Variants in ARID1A observed in about 807,000 individuals in gnomAD.
ARID1A encodes AT-rich interaction domain 1A, also known as AT-rich interactive domain-containing protein 1A.
ARID1A carries 20 observed loss-of-function variants against 212.6 expected under a neutral mutation model. The observed-to-expected ratio is 0.09, with a 90% confidence interval of 0.07 to 0.14. The LOEUF (loss-of-function observed/expected upper bound fraction) is 0.14. Ranked by LOEUF, ARID1A falls within the 10% of genes least tolerant of loss-of-function variation. The pLI, the probability that ARID1A is intolerant of heterozygous loss-of-function variation, is 1.00. For missense variants in ARID1A, 2,587 were observed against 3,059.0 expected, an observed-to-expected ratio of 0.85 and a Z score of 3.64; for synonymous variants, 1,376 against 1,222.1, an observed-to-expected ratio of 1.13 and a Z score of -2.63.
At chr1:26,708,647 T>C (rs938094018) in intron 1 of ARID1A, among the ~76,000 whole-genome samples, 34 of 151,728 alleles carry the variant, frequency 2.2e-4, no homozygotes, top group Non-Finnish European at 4.0e-4. Context: ...CAGAGTGATA[T>C]TACTTTTCCA....
rs985193782 is a variant in ARID1A at position 26,779,895 on chromosome 1, T to C, written c.5997T>C (p.Phe1999=). 3 of 1,614,100 alleles carry C rather than the reference T, an allele frequency of 1.9e-6. No individual in the cohort carries two copies. Among genetic ancestry groups the C allele is most frequent in the African/African-American group, 2.7e-5 (2 of 75,018 alleles). ...TGTCATTTGTGCCAGGCAATGACTTTGAGATGTCCAAACACCCAGGGCTGC... is the reference window on the plus strand; with the variant it reads ...TGTCATTTGTGCCAGGCAATGACTTCGAGATGTCCAAACACCCAGGGCTGC... ...RSLSFVPGND[F]EMSKHPGLLL... Residue 1999 remains phenylalanine, a synonymous_variant, in exon 20 of 20, where the codon TTT becomes TTC. Transcript: ENST00000324856.
chr1:26,756,666 A>G (rs1306598491), intron 4 of ARID1A, among the ~76,000 whole-genome samples: 2 of 151,608 alleles, frequency 1.3e-5, no homozygotes, highest in African/African-American at 4.8e-5. Context: ...AAAGACAGCC[A>G]TGGGGCACTT....
intron 1 of ARID1A, among the ~76,000 whole-genome samples, chr1:26,709,962 G>T (rs1266625858): frequency 6.6e-6 from 1 of 151,416 alleles, no homozygotes; most frequent in Non-Finnish European, 1.5e-5. Flanking sequence ...CTCCCGAGTA[G>T]CTGGGATTAC....
At chr1:26,745,973 C>G (rs556001952) in intron 4 of ARID1A, among the ~76,000 whole-genome samples, 5 of 152,264 alleles carry the variant, frequency 3.3e-5, no homozygotes, top group Admixed American at 2.0e-4. Flanking sequence ...ATCGCTTGAA[C>G]CTGGGAGGCG....
chr1:26,734,189 T>A (rs1379886825), intron 4 of ARID1A, among the ~76,000 whole-genome samples: 1 of 151,198 alleles, frequency 6.6e-6, no homozygotes, highest in African/African-American at 2.4e-5. Flanking sequence ...GTGTAACCAC[T>A]CCCTCATCAT....
At chr1:26,720,883 A>C (rs996884242) in intron 1 of ARID1A, among the ~76,000 whole-genome samples, 99 of 151,964 alleles carry the variant, frequency 6.5e-4, no homozygotes, top group African/African-American at 2.0e-3. Context: ...AAGAAAAAAA[A>C]AAAAAGATTC....
chr1:26,741,010 G>T (rs773042387), intron 4 of ARID1A, among the ~76,000 whole-genome samples: 1 of 152,214 alleles, frequency 6.6e-6, no homozygotes, highest in African/African-American at 2.4e-5. Context: ...CAAATGTCCA[G>T]TTTCTAGTTG....
intron 18 of ARID1A, 51 bp from the exon 19 acceptor site, chr1:26,775,526 C>T (rs2081126776): frequency 6.2e-7 from 1 of 1,609,124 alleles, no homozygotes; most frequent in Non-Finnish European, 8.5e-7. Flanking sequence ...CCTAGGGGTG[C>T]CTCCAGCCAA....
chr1:26,770,963 T>C (rs1170864481), intron 11 of ARID1A, 156 bp from the exon 12 acceptor site: 6 of 657,914 alleles, frequency 9.1e-6, no homozygotes, highest in Non-Finnish European at 1.6e-5. Flanking sequence ...TTAACACTTC[T>C]TGTGGACTAT....
At chr1:26,754,470 C>T (rs907437367) in intron 4 of ARID1A, among the ~76,000 whole-genome samples, 5 of 152,110 alleles carry the variant, frequency 3.3e-5, no homozygotes, top group Non-Finnish European at 7.4e-5. Flanking sequence ...TGCTGCTGGT[C>T]GTTTGACCCT....
chr1:26,767,354 G>A (rs897626364), intron 10 of ARID1A, among the ~76,000 whole-genome samples: 1 of 152,068 alleles, frequency 6.6e-6, no homozygotes, highest in Non-Finnish European at 1.5e-5. Context: ...TGAGTTTTTC[G>A]ATTTCTCTAA....
In ARID1A at chr1:26,781,925, CAATT is replaced by C. The variant is rs555311641; in HGVS notation, c.*1170_*1173del. On this transcript the variant is annotated 3_prime_UTR_variant, in exon 20 of 20. Coordinates refer to ENST00000324856, the MANE Select transcript of ARID1A (RefSeq NM_006015.6). ...CAGTTGAAGTTCTGATGAAGAAACACAATTGAGATTTTTTCAGTGATAAAATCTG... is the reference window on the plus strand; with the variant it reads ...CAGTTGAAGTTCTGATGAAGAAACACGAGATTTTTTCAGTGATAAAATCTG... 5.2e-4 allele frequency: 121 copies of C among 233,600 alleles called. No homozygotes were observed. The highest frequency in any genetic ancestry group is 3.8e-3 in the Middle Eastern group (3 of 786). 14.5% of individuals were successfully genotyped at this position (233,600 alleles called of 1,614,324 possible).
intron 4 of ARID1A, among the ~76,000 whole-genome samples, chr1:26,733,556 C>T (rs1557593604): frequency 6.6e-6 from 1 of 152,196 alleles, no homozygotes; most frequent in Non-Finnish European, 1.5e-5. Context: ...TGGGACTGTG[C>T]TTTATACCTG....
In ARID1A at chr1:26,776,559, A is replaced by C. The variant is rs963029023; in HGVS notation, c.5124+852A>C. 3.5e-4 allele frequency among the ~76,000 whole-genome samples: 53 copies of C among 149,750 alleles called. 1 individual carries two copies. The highest frequency in any genetic ancestry group is 1.2e-3 in the African/African-American group (49 of 40,730). On this transcript the variant is annotated intron_variant, in intron 19 of 19. Transcript: ENST00000324856. ...AAGTGCTGGGATTACAGGCGTGAGC[A>C]ACCGCGCCCGGCCCTACAATATTCT...
intron 2 of ARID1A, 84 bp downstream of exon 2, chr1:26,729,947 C>A: frequency 6.8e-7 from 1 of 1,479,420 alleles, no homozygotes; most frequent in East Asian, 2.4e-5. Flanking sequence ...GTATCCTTGG[C>A]TTCCAAGCCT....
At chr1:26,762,393 C>A (rs2124065426) in intron 7 of ARID1A, 74 bp downstream of exon 7, 1 of 1,507,862 alleles carries the variant, frequency 6.6e-7, no homozygotes. Flanking sequence ...ATGTTGCCAT[C>A]TAGCTTGTAA....
chr1:26,777,313 G>A (rs2081145805), intron 19 of ARID1A, among the ~76,000 whole-genome samples: 2 of 151,982 alleles, frequency 1.3e-5, no homozygotes, highest in Admixed American at 6.6e-5. Flanking sequence ...CTCAACTTCC[G>A]AGGCTCAGGT....
intron 1 of ARID1A, among the ~76,000 whole-genome samples, chr1:26,704,203 G>A (rs2080365598): frequency 6.6e-6 from 1 of 152,108 alleles, no homozygotes; most frequent in South Asian, 2.1e-4. Flanking sequence ...GGTCTTAGTG[G>A]TTCTTGTGGT....
chr1:26,696,498 G>A lies in ARID1A; in HGVS notation c.95G>A (p.Arg32Gln), dbSNP rs1388125925. 7 of 1,237,524 alleles carry A rather than the reference G, an allele frequency of 5.7e-6. No homozygotes were observed. The African/African-American group carries it at 6.3e-5, about 11-fold the overall frequency. The allele number at this position is 1,237,524 out of a possible 1,614,324, so 76.7% of individuals were successfully genotyped here. ...SELKKAEQQQ[R>Q]EEAGGEAAAA... Reference sequence around the variant, plus strand: ...CTGAAGAAAGCCGAGCAGCAGCAGCGGGAGGAGGCGGGGGGCGAGGCGGCG... The same window carrying A: ...CTGAAGAAAGCCGAGCAGCAGCAGCAGGAGGAGGCGGGGGGCGAGGCGGCG... Residue 32 changes from arginine to glutamine, a missense_variant, in exon 1 of 20, where the codon CGG becomes CAG. By Grantham distance (43) the Arg-to-Gln change is conservative. This residue lies in a region of ARID1A where 735 missense variants were observed against 590.6 expected (regional missense o/e 1.24). Transcript: ENST00000324856.
Sources: allele counts gnomAD v4.1 joint callset (sites outside exome capture counted in the v4.1 genomes callset), GRCh38; gene constraint gnomAD v4.1.1; regional missense constraint gnomAD v4.1.1; transcripts MANE v1.5; gene names NCBI Gene and HGNC (gene_info 2026-07-23, HGNC 2026-07-21).